Variants in SCN1A observed in about 807,000 individuals in gnomAD.
SCN1A encodes sodium channel protein type 1 subunit alpha.
Under a neutral mutation model 193.7 loss-of-function variants are expected in SCN1A, and 13 were observed. The ratio of observed to expected loss-of-function variants is 0.07; its 90% CI spans 0.04 to 0.11. The LOEUF is 0.11. Among genes scored for constraint, SCN1A ranks in the 10% least tolerant of loss-of-function variants. The pLI, the probability that SCN1A is intolerant of heterozygous loss-of-function variation, is 1.00. For missense variants in SCN1A, 1,432 were observed against 2,451.1 expected (o/e 0.58, Z 8.78); for synonymous variants, 781 against 843.6 (o/e 0.93, Z 1.29).
intron 2 of SCN1A, among the ~76,000 whole-genome samples, chr2:166,097,523 T>A (rs759707358): frequency 3.9e-5 from 6 of 152,182 alleles, no homozygotes; most frequent in Non-Finnish European, 7.4e-5. Flanking sequence ...TACGTGAGAT[T>A]ATCTAGACTT....
intron 1 of SCN1A, 120 bp from the exon 2 acceptor site, chr2:166,127,130 G>A (rs79062501): frequency 0.017 from 2,603 of 152,274 alleles, 38 homozygotes; most frequent in Middle Eastern, 0.037. Flanking sequence ...GATAGAAAAG[G>A]GGACTCTTTA....
intron 1 of SCN1A, among the ~76,000 whole-genome samples, chr2:166,138,472 A>G (rs1371053237): frequency 6.6e-6 from 1 of 152,180 alleles, no homozygotes; most frequent in Non-Finnish European, 1.5e-5. Context: ...AGGGGCCAAC[A>G]TAGTGCATGG....
chr2:166,144,582 A>G (rs935805623), intron 1 of SCN1A, among the ~76,000 whole-genome samples: 6 of 152,226 alleles, frequency 3.9e-5, no homozygotes, highest in African/African-American at 1.4e-4. Context: ...AAAATGCATT[A>G]ATCCTAGGAA....
rs6432860 is a variant in SCN1A, at chr2:166,041,354, A to G, written c.2292T>C (p.Val764=). 1,138,494 of 1,613,016 alleles carry G rather than the reference A, an allele frequency of 0.71. 404,607 individuals are homozygous for G. The highest frequency in any genetic ancestry group is 0.89 in the East Asian group (40,132 of 44,848). The change falls in exon 16 of 29, where the codon GTT becomes GTC. Residue 764 remains valine (V), a synonymous_variant. Coordinates refer to ENST00000674923, the MANE Select transcript of SCN1A (RefSeq NM_001165963.4). ...CCAGGTCAACAAATGGGTCCATCACAACCAGGTTGACAACATGTTTCACTT... is the reference window on the plus strand; with the variant it reads ...CCAGGTCAACAAATGGGTCCATCACGACCAGGTTGACAACATGTTTCACTT... ...WLKVKHVVNL[V]VMDPFVDLAI...
intron 2 of SCN1A, among the ~76,000 whole-genome samples, chr2:166,083,552 T>C (rs1267523764): frequency 6.6e-6 from 1 of 151,990 alleles, no homozygotes; most frequent in African/African-American, 2.4e-5. Context: ...CTACATACAA[T>C]ACATAGAAAT....
At chr2:166,048,258 ATGTGTGTCATGAGGGTT>A (rs1454094681) in intron 10 of SCN1A, among the ~76,000 whole-genome samples, 1 of 152,036 alleles carries the variant, frequency 6.6e-6, no homozygotes, top group African/African-American at 2.4e-5. Context: ...ATATAGGTAA[ATGTGTGTCATGAGGGTT>A]TGTTGTGTAG....
At chr2:166,053,927 G>A in intron 7 of SCN1A, among the ~76,000 whole-genome samples, 1 of 151,850 alleles carries the variant, frequency 6.6e-6, no homozygotes, top group East Asian at 1.9e-4. Flanking sequence ...CATAAACTGT[G>A]CATATTACTG....
chr2:166,009,658 A>T, intron 23 of SCN1A, 61 bp downstream of exon 23: 3 of 1,507,114 alleles, frequency 2.0e-6, no homozygotes, highest in Admixed American at 4.2e-5. Context: ...TCCTTTTTCT[A>T]AATTTAATTT....
intron 2 of SCN1A, among the ~76,000 whole-genome samples, chr2:166,118,353 C>T (rs943018535): frequency 1.8e-5 from 2 of 109,582 alleles, no homozygotes; most frequent in African/African-American, 7.2e-5. Flanking sequence ...CACTCTCTTG[C>T]GCAGGCTGGA....
intron 2 of SCN1A, among the ~76,000 whole-genome samples, chr2:166,106,995 C>G (rs921026128): frequency 6.6e-6 from 1 of 152,122 alleles, no homozygotes; most frequent in African/African-American, 2.4e-5. Flanking sequence ...TATCATTATT[C>G]ATGTTTTTTT....
At chr2:166,000,292 A>G (rs1424624880) in intron 24 of SCN1A, among the ~76,000 whole-genome samples, 1 of 151,798 alleles carries the variant, frequency 6.6e-6, no homozygotes, top group Non-Finnish European at 1.5e-5. Context: ...AGAATTTTGG[A>G]GCAAAACATT....
intron 2 of SCN1A, among the ~76,000 whole-genome samples, chr2:166,097,521 A>G (rs560111577): frequency 9.6e-4 from 146 of 152,234 alleles, no homozygotes; most frequent in Non-Finnish European, 1.6e-3. Flanking sequence ...TATACGTGAG[A>G]TTATCTAGAC....
chr2:166,075,699 T>C (rs1422534134), intron 3 of SCN1A, among the ~76,000 whole-genome samples: 1 of 152,042 alleles, frequency 6.6e-6, no homozygotes, highest in Non-Finnish European at 1.5e-5. Flanking sequence ...TTTTTAAAGG[T>C]AGACTTGGCT....
Position 166,069,367 on chromosome 2 carries a change from C to T in SCN1A, c.264+3991G>A, listed in dbSNP as rs535782392. On this transcript the variant is annotated intron_variant, in intron 4 of 28. Transcript: ENST00000674923. ...GCTACTATTTCTTTAGTTACTACTA[C>T]AATATTACTGAACATGGATTAAACT... is the stretch of plus-strand genomic sequence containing the variant. Among the ~76,000 whole-genome samples the T allele has an allele frequency of 6.2e-4, 95 of 152,272 alleles. 1 individual carries two copies. The highest frequency in any genetic ancestry group is 6.0e-3 in the South Asian group (29 of 4,826).
intron 22 of SCN1A, among the ~76,000 whole-genome samples, chr2:166,011,153 G>A (rs977294340): frequency 1.3e-5 from 2 of 151,100 alleles, no homozygotes; most frequent in Non-Finnish European, 1.5e-5. Flanking sequence ...ACATTGTTAA[G>A]TTTTTTAAAT....
chr2:166,089,567 T>C (rs1291492870), intron 2 of SCN1A, among the ~76,000 whole-genome samples: 1 of 151,936 alleles, frequency 6.6e-6, no homozygotes, highest in African/African-American at 2.4e-5. Flanking sequence ...CTTTTTTTGG[T>C]TGACTAGGTA....
intron 23 of SCN1A, among the ~76,000 whole-genome samples, chr2:166,006,611 A>G (rs1233546989): frequency 6.6e-6 from 1 of 151,372 alleles, no homozygotes; most frequent in Non-Finnish European, 1.5e-5. Flanking sequence ...TTTGTTTACA[A>G]CACAATTCAC....
At chr2:166,114,100 T>A (rs1188035273) in intron 2 of SCN1A, among the ~76,000 whole-genome samples, 1 of 152,176 alleles carries the variant, frequency 6.6e-6, no homozygotes, top group Admixed American at 6.6e-5. Flanking sequence ...AGTATGCTCA[T>A]CAAAGACAGA....
chr2:166,092,917 A>G (rs1283152783), intron 2 of SCN1A, among the ~76,000 whole-genome samples: 1 of 152,098 alleles, frequency 6.6e-6, no homozygotes, highest in African/African-American at 2.4e-5. Flanking sequence ...ATTGTCCTCC[A>G]TGTAACCCAT....
Sources: gnomAD v4.1 joint callset for allele counts (sites outside exome capture counted in the v4.1 genomes callset) on GRCh38, gnomAD v4.1.1 for gene constraint, MANE v1.5 for transcripts, NCBI Gene and HGNC (gene_info 2026-07-23, HGNC 2026-07-21) for gene names.